Variants in DIS3L2 observed in about 807,000 individuals in gnomAD.
The protein encoded by DIS3L2 is DIS3-like exonuclease 2.
In DIS3L2, 34 loss-of-function variants were observed where a neutral mutation model predicts 97.5. That is an observed-to-expected ratio of 0.35 (90% CI 0.27 to 0.46). The LOEUF (loss-of-function observed/expected upper bound fraction) is 0.46, where lower values mean the gene tolerates loss of function less well. Ranked by LOEUF, DIS3L2 falls within the 20% of genes least tolerant of loss-of-function variation. The pLI is 1.00. For synonymous variants in DIS3L2, 435 were observed against 445.2 expected (o/e 0.98, Z 0.29); for missense variants, 1,038 against 1,146.0 (o/e 0.91, Z 1.36).
intron 14 of DIS3L2, chr2:232,328,741 T>G (rs549833528): frequency 6.6e-6 from 1 of 152,284 alleles, no homozygotes; most frequent in South Asian, 2.1e-4. Flanking sequence ...GCCCCATGTC[T>G]CCCTGAGGGG....
At chr2:232,253,835 CAGAG>C (rs1383744311) in intron 12 of DIS3L2, among the ~76,000 whole-genome samples, 2 of 152,150 alleles carry the variant, frequency 1.3e-5, no homozygotes, top group East Asian at 1.9e-4. Context: ...TGGGAAGTAA[CAGAG>C]AGGGATGGGG....
At chr2:232,061,842 A>G (rs1248552795) in intron 5 of DIS3L2, among the ~76,000 whole-genome samples, 1 of 152,162 alleles carries the variant, frequency 6.6e-6, no homozygotes, top group Non-Finnish European at 1.5e-5. Context: ...TGGAGAAGGA[A>G]CTACCTCATT....
At chr2:232,294,535 C>G (rs1481625159) in intron 13 of DIS3L2, among the ~76,000 whole-genome samples, 1 of 152,176 alleles carries the variant, frequency 6.6e-6, no homozygotes, top group Non-Finnish European at 1.5e-5. Flanking sequence ...CTACCCTTAT[C>G]CCTACCCAGA....
chr2:232,286,834 G>A (rs1180076143), intron 13 of DIS3L2, among the ~76,000 whole-genome samples: 2 of 152,178 alleles, frequency 1.3e-5, no homozygotes, highest in African/African-American at 4.8e-5. Context: ...AGGCTGGAGT[G>A]CAGTGGCACA....
chr2:232,053,740 A>G (rs924635166), intron 5 of DIS3L2, among the ~76,000 whole-genome samples: 3 of 152,212 alleles, frequency 2.0e-5, no homozygotes, highest in Non-Finnish European at 4.4e-5. Context: ...TAGTGCCTCT[A>G]TGGAGGGGCA....
exon 14 of DIS3L2, chr2:232,344,251 A>T (rs2106364508): frequency 6.6e-6 from 1 of 152,380 alleles, no homozygotes. Context: ...AAAGTATGTT[A>T]TGTATAATTA....
chr2:232,246,369 A>C (rs868603604), intron 11 of DIS3L2, among the ~76,000 whole-genome samples: 3 of 152,250 alleles, frequency 2.0e-5, no homozygotes, highest in Non-Finnish European at 2.9e-5. Flanking sequence ...GAGCTGGAGC[A>C]GCACACAGAC....
chr2:232,098,722 T>C (rs1296789550), intron 6 of DIS3L2, among the ~76,000 whole-genome samples: 1 of 152,192 alleles, frequency 6.6e-6, no homozygotes, highest in East Asian at 1.9e-4. Context: ...TTGCCCATTT[T>C]TCCATCAGGG....
chr2:232,250,566 G>T (rs1020894680), intron 12 of DIS3L2, among the ~76,000 whole-genome samples: 1 of 152,098 alleles, frequency 6.6e-6, no homozygotes, highest in Non-Finnish European at 1.5e-5. Context: ...TCTAGAAAGT[G>T]GGGGAGGGGT....
At chr2:232,058,663 C>G (rs1037707994) in intron 5 of DIS3L2, among the ~76,000 whole-genome samples, 4 of 152,196 alleles carry the variant, frequency 2.6e-5, no homozygotes, top group Admixed American at 1.3e-4. Flanking sequence ...GCTTTACAGC[C>G]TTCCTCTTTC....
chr2:232,068,289 G>A (rs2106283522), intron 5 of DIS3L2, among the ~76,000 whole-genome samples: 1 of 151,986 alleles, frequency 6.6e-6, no homozygotes, highest in East Asian at 1.9e-4. Flanking sequence ...ATATGAGGGT[G>A]GGCCAAGTGC....
chr2:232,075,595 C>T (rs1406824594), intron 5 of DIS3L2, among the ~76,000 whole-genome samples: 1 of 152,190 alleles, frequency 6.6e-6, no homozygotes, highest in Non-Finnish European at 1.5e-5. Flanking sequence ...CTTCTAGTCT[C>T]CAGACCTACA....
chr2:232,321,172 C>T (rs1445704484), intron 14 of DIS3L2, among the ~76,000 whole-genome samples: 3 of 152,162 alleles, frequency 2.0e-5, no homozygotes, highest in African/African-American at 4.8e-5. Context: ...AGGCAAGGAA[C>T]AGGCCAGCAA....
intron 6 of DIS3L2, among the ~76,000 whole-genome samples, chr2:232,125,871 T>G (rs2106345532): frequency 6.6e-6 from 1 of 152,300 alleles, no homozygotes; most frequent in African/African-American, 2.4e-5. Context: ...ATTTCTACAT[T>G]TCACTGAAGA....
intron 5 of DIS3L2, among the ~76,000 whole-genome samples, chr2:232,071,464 G>A (rs914668961): frequency 2.0e-5 from 3 of 152,014 alleles, no homozygotes; most frequent in Non-Finnish European, 2.9e-5. Context: ...CGAGGCTGCA[G>A]TGAGCTGTGA....
rs764957786 is a variant in DIS3L2 at position 232,015,563 on chromosome 2, C to T, written c.102C>T (p.Asp34=). The change falls in exon 3 of 21, where the codon GAC becomes GAT. Residue 34 remains aspartate (D), a synonymous_variant. Coordinates refer to ENST00000325385, the MANE Select transcript of DIS3L2 (RefSeq NM_152383.5). ...ATGACATTGGTGCTTCGCCAGGTGA[C>T]AAAAAGTCAAAGAACAGGTCCACAC... ...GPHDIGASPG[D]KKSKNRSTRG... The T allele has an allele frequency of 4.5e-5, 72 of 1,613,772 alleles. No individual in the cohort carries two copies. The highest frequency in any genetic ancestry group is 5.7e-5 in the Non-Finnish European group (67 of 1,179,926).
At chr2:232,086,675 G>A (rs1353095570) in intron 5 of DIS3L2, among the ~76,000 whole-genome samples, 59 of 123,990 alleles carry the variant, frequency 4.8e-4, no homozygotes, top group African/African-American at 1.9e-3. Context: ...GTGTGTGTGT[G>A]TGTATATATA....
chr2:232,010,090 T>G (rs1362167751), intron 1 of DIS3L2, among the ~76,000 whole-genome samples: 3 of 152,226 alleles, frequency 2.0e-5, no homozygotes, highest in African/African-American at 7.2e-5. Context: ...CACTCTTCAC[T>G]GTTCTTACCA....
At chr2:232,244,915 T>G (rs1216324546) in intron 11 of DIS3L2, among the ~76,000 whole-genome samples, 1 of 152,108 alleles carries the variant, frequency 6.6e-6, no homozygotes. Context: ...GCCCAGCAGT[T>G]TTCTCTGTCA....
Sources: gnomAD v4.1 joint callset for allele counts (sites outside exome capture counted in the v4.1 genomes callset) on GRCh38, gnomAD v4.1.1 for gene constraint, MANE v1.5 for transcripts, NCBI Gene and HGNC (gene_info 2026-07-23, HGNC 2026-07-21) for gene names.